EPG5: variants seen among roughly 807,000 people sequenced by gnomAD.
The protein encoded by EPG5 is ectopic P-granules 5 autophagy tethering factor, also known as ectopic P granules protein 5 homolog.
EPG5 carries 159 observed loss-of-function variants against 302.7 expected under a neutral mutation model. The observed-to-expected ratio is 0.53, with a 90% CI of 0.46 to 0.60. The LOEUF (loss-of-function observed/expected upper bound fraction) is 0.60, where lower values mean the gene tolerates loss of function less well. Among genes scored for constraint, EPG5 ranks in the 20% least tolerant of loss-of-function variants. The pLI is 0.00. For missense variants in EPG5, 2,896 were observed against 3,092.4 expected, an observed-to-expected ratio of 0.94 and a Z score of 1.51; for synonymous variants, 1,158 against 1,136.8, an observed-to-expected ratio of 1.02 and a Z score of -0.37.
At chr18:45,943,596 G>A (rs1310599621) in intron 8 of EPG5, among the ~76,000 whole-genome samples, 2 of 152,060 alleles carry the variant, frequency 1.3e-5, no homozygotes, top group African/African-American at 4.8e-5. Flanking sequence ...GAACAGCTAG[G>A]CACAAGAAAC....
At chr18:45,939,818 C>T in intron 9 of EPG5, 63 bp from the exon 10 acceptor site, 1 of 1,421,208 alleles carries the variant, frequency 7.0e-7, no homozygotes, top group Non-Finnish European at 9.7e-7. Context: ...CTTTATATTA[C>T]ATTTCCAACA....
chr18:45,858,092 T>C (rs779904425), intron 41 of EPG5, 24 bp from the exon 42 acceptor site: 3 of 1,585,650 alleles, frequency 1.9e-6, no homozygotes, highest in Non-Finnish European at 1.7e-6. Context: ...CGGAGGAAAA[T>C]AAAATTAGAA....
chr18:45,873,462 A>T (rs1043998363), intron 35 of EPG5, among the ~76,000 whole-genome samples: 8 of 151,964 alleles, frequency 5.3e-5, no homozygotes, highest in Non-Finnish European at 1.2e-4. Context: ...GTGAGCCAAG[A>T]TCCTGCCACT....
chr18:45,965,791 C>T (rs2051235015), intron 1 of EPG5, among the ~76,000 whole-genome samples: 2 of 152,302 alleles, frequency 1.3e-5, no homozygotes, highest in East Asian at 3.9e-4. Context: ...CGGTGGCTCA[C>T]GCCTGTAATC....
intron 2 of EPG5, chr18:45,953,161 A>T: frequency 2.3e-6 from 1 of 427,788 alleles, no homozygotes; most frequent in Non-Finnish European, 3.1e-6. Flanking sequence ...CGACAGAGCT[A>T]GACTCCATCT....
At chr18:45,818,768 C>G in the EPG5 span, among the ~76,000 whole-genome samples, 1 of 121,502 alleles carries the variant, frequency 8.2e-6, no homozygotes, top group Non-Finnish European at 1.6e-5. Context: ...GAGTCTTGCT[C>G]TGTCACTCAG....
rs1453237016 is a variant in EPG5 at position 45,870,682 on chromosome 18, G to A, written c.6110C>T (p.Ala2037Val). 1 of 1,613,234 alleles carries A rather than the reference G, an allele frequency of 6.2e-7. No homozygotes were observed. Among genetic ancestry groups the A allele is most frequent in the Admixed American group, 1.7e-5 (1 of 59,960 alleles). Residue 2037 changes from alanine to valine, a missense_variant, in exon 36 of 44, where the codon GCA becomes GTA. Around this residue, in one of 5 missense-constraint regions of EPG5, gnomAD observed 620 missense variants for 704.2 expected, o/e 0.88. Coordinates refer to ENST00000282041, the MANE Select transcript of EPG5 (RefSeq NM_020964.3). ...LWLHLMHYCE[A>V]CTAPKMPEFI... ...CTCTGGCATTTTGGGTGCTGTACAT[G>A]CTTCACAATAATGCATCAGGTGCAA...
chr18:45,858,271 G>A (rs1347154879), intron 41 of EPG5, among the ~76,000 whole-genome samples: 1 of 152,124 alleles, frequency 6.6e-6, no homozygotes, highest in African/African-American at 2.4e-5. Context: ...GATGAACTTC[G>A]TGTTCTTCCA....
intron 43 of EPG5, among the ~76,000 whole-genome samples, chr18:45,854,374 A>C (rs1055985353): frequency 1.6e-4 from 25 of 152,230 alleles, no homozygotes; most frequent in Non-Finnish European, 3.1e-4. Context: ...AAGTTGCCCC[A>C]GCAGAGGAGC....
the EPG5 span, among the ~76,000 whole-genome samples, chr18:45,802,413 A>T: frequency 6.6e-6 from 1 of 152,162 alleles, no homozygotes. Context: ...CCAGCTATTC[A>T]GGTGGCTGAG....
At chr18:45,856,479 G>A (rs1250190812) in intron 42 of EPG5, among the ~76,000 whole-genome samples, 1 of 152,126 alleles carries the variant, frequency 6.6e-6, no homozygotes, top group Non-Finnish European at 1.5e-5. Flanking sequence ...TTGTGGTGAT[G>A]GCTACAACAA....
At chr18:45,825,844 G>A in the EPG5 span, 5 of 1,580,978 alleles carry the variant, frequency 3.2e-6, no homozygotes, top group South Asian at 3.3e-5. Flanking sequence ...AGCATCTTAG[G>A]TACAGTCTCC....
chr18:45,933,669 C>A (rs1437486523), intron 11 of EPG5, among the ~76,000 whole-genome samples: 52 of 135,212 alleles, frequency 3.8e-4, no homozygotes, highest in South Asian at 4.6e-4. Flanking sequence ...TGCTCATTCT[C>A]AAAAAAAAAA....
At chr18:45,947,168 A>T (rs1015632707) in intron 6 of EPG5, among the ~76,000 whole-genome samples, 14 of 152,180 alleles carry the variant, frequency 9.2e-5, no homozygotes, top group Non-Finnish European at 4.4e-5. Flanking sequence ...TAATCACAGC[A>T]CTTTGGGAGG....
intron 24 of EPG5, 108 bp from the exon 25 acceptor site, chr18:45,904,225 T>G (rs1039711792): frequency 9.4e-6 from 12 of 1,281,724 alleles, no homozygotes; most frequent in Non-Finnish European, 1.3e-5. Flanking sequence ...CACGAAGTGG[T>G]CTACTCCAAG....
chr18:45,824,282 C>T, the EPG5 span, among the ~76,000 whole-genome samples: 1 of 152,236 alleles, frequency 6.6e-6, no homozygotes, highest in African/African-American at 2.4e-5. Flanking sequence ...TCTTGGCTCA[C>T]TGCAAGCTCC....
downstream of EPG5, among the ~76,000 whole-genome samples, chr18:45,845,948 A>G (rs146595132): frequency 7.4e-3 from 1,127 of 152,290 alleles, 11 homozygotes; most frequent in African/African-American, 0.026. Context: ...ATCTATGGTG[A>G]AAGTAGGCCC....
Position 45,945,852 on chromosome 18 carries a change from G to C in EPG5, c.1677+811C>G, listed in dbSNP as rs138750480. Reference sequence around the variant, plus strand: ...AGGAAGAGAAAAACGACTGTGAAGGGGGCTCCCTACTTCTGAATGAGCACT... The same window carrying C: ...AGGAAGAGAAAAACGACTGTGAAGGCGGCTCCCTACTTCTGAATGAGCACT... On this transcript the variant is annotated intron_variant, in intron 7 of 43. Coordinates refer to ENST00000282041, the MANE Select transcript of EPG5 (RefSeq NM_020964.3). Among the ~76,000 whole-genome samples, 3 of 152,228 alleles carry C rather than the reference G, an allele frequency of 2.0e-5. No individual in the cohort carries two copies. The East Asian group carries it at 5.8e-4, about 29-fold the overall frequency.
chr18:45,947,211 G>A (rs906742878), intron 6 of EPG5, among the ~76,000 whole-genome samples: 3 of 152,072 alleles, frequency 2.0e-5, no homozygotes, highest in African/African-American at 4.8e-5. Flanking sequence ...TCAAGAGATC[G>A]AGACCATCCT....
Sources: allele counts gnomAD v4.1 joint callset (sites outside exome capture counted in the v4.1 genomes callset), GRCh38; gene constraint gnomAD v4.1.1; regional missense constraint gnomAD v4.1.1; transcripts MANE v1.5; gene names NCBI Gene and HGNC (gene_info 2026-07-23, HGNC 2026-07-21).